The following MTHFD2L variants were observed in gnomAD, a reference collection of about 807,000 sequenced individuals.
The protein encoded by MTHFD2L is bifunctional methylenetetrahydrofolate dehydrogenase/cyclohydrolase 2, mitochondrial.
Under a neutral mutation model 34.9 loss-of-function variants are expected in MTHFD2L, and 29 were observed. The ratio of observed to expected loss-of-function variants is 0.83; its 90% CI spans 0.62 to 1.13. The LOEUF (loss-of-function observed/expected upper bound fraction) is 1.13, where lower values mean the gene tolerates loss of function less well. Among genes scored for constraint, MTHFD2L ranks in the 50% most tolerant of loss-of-function variants. MTHFD2L has a pLI of 0.00. For synonymous variants in MTHFD2L, 167 were observed against 155.7 expected (o/e 1.07, Z -0.54); for missense variants, 481 against 446.5 (o/e 1.08, Z -0.70).
chr4:74,236,033 A>T (rs886600928), intron 6 of MTHFD2L, among the ~76,000 whole-genome samples: 3 of 152,076 alleles, frequency 2.0e-5, no homozygotes, highest in Non-Finnish European at 4.4e-5. Flanking sequence ...TGTAATGTAA[A>T]CTTCTTTAAT....
chr4:74,246,619 A>AT (rs1742497639), intron 6 of MTHFD2L, among the ~76,000 whole-genome samples: 1 of 152,152 alleles, frequency 6.6e-6, no homozygotes, highest in Admixed American at 6.5e-5. Flanking sequence ...TAGGTCTAAC[A>AT]TTTAAGTCTT....
intron 1 of MTHFD2L, among the ~76,000 whole-genome samples, chr4:74,132,065 G>A (rs1468393606): frequency 6.6e-6 from 1 of 152,160 alleles, no homozygotes; most frequent in Non-Finnish European, 1.5e-5. Context: ...AGTTAGAATG[G>A]CAATCATTAA....
intron 6 of MTHFD2L, among the ~76,000 whole-genome samples, chr4:74,233,557 C>T (rs970122933): frequency 1.3e-5 from 2 of 151,554 alleles, no homozygotes; most frequent in East Asian, 3.9e-4. Flanking sequence ...GTGTGGTGAG[C>T]CAATCACTAA....
intron 1 of MTHFD2L, chr4:74,160,147 A>G (rs1043633848): frequency 8.4e-7 from 1 of 1,187,068 alleles, no homozygotes. Flanking sequence ...TTATATATAT[A>G]ATGACACATT....
chr4:74,201,395 C>T (rs1276469440), intron 5 of MTHFD2L, 25 bp downstream of exon 5: 3 of 1,507,494 alleles, frequency 2.0e-6, no homozygotes, highest in Non-Finnish European at 2.8e-6. Flanking sequence ...GCAGATTCTA[C>T]ACTCTCTCGC....
chr4:74,161,835 A>G (rs1253492713), intron 1 of MTHFD2L: 6 of 152,212 alleles, frequency 3.9e-5, no homozygotes, highest in Admixed American at 6.5e-5. Context: ...TGATCTTTTC[A>G]TGGGCACGTA....
intron 6 of MTHFD2L, among the ~76,000 whole-genome samples, chr4:74,280,897 A>G (rs1747370735): frequency 6.6e-6 from 1 of 152,140 alleles, no homozygotes; most frequent in African/African-American, 2.4e-5. Flanking sequence ...ATGAGATGCC[A>G]TTATGAGTAT....
intron 1 of MTHFD2L, chr4:74,143,459 T>A (rs1723401923): frequency 2.0e-6 from 2 of 985,062 alleles, no homozygotes; most frequent in Non-Finnish European, 1.2e-6. Flanking sequence ...TTTGGAAGGG[T>A]CCTAGAGGGT....
intron 3 of MTHFD2L, chr4:74,194,140 T>G (rs915174891): frequency 6.6e-6 from 1 of 152,188 alleles, no homozygotes; most frequent in Admixed American, 6.5e-5. Context: ...TAGATGAGCT[T>G]CTTGGGGTTT....
At chr4:74,203,081 A>C (rs569403428) in intron 5 of MTHFD2L, among the ~76,000 whole-genome samples, 1 of 152,310 alleles carries the variant, frequency 6.6e-6, no homozygotes, top group South Asian at 2.1e-4. Context: ...ATGAATGATG[A>C]CACTTTTGAA....
chr4:74,157,953 TC>T (rs1724467324), upstream of MTHFD2L: 5 of 932,482 alleles, frequency 5.4e-6, no homozygotes, highest in South Asian at 4.2e-5. Flanking sequence ...GACCCGGCAC[TC>T]TGTCAGTTCC....
chr4:74,207,766 C>CTTTTT (rs768932793), intron 5 of MTHFD2L, among the ~76,000 whole-genome samples: 5 of 128,468 alleles, frequency 3.9e-5, no homozygotes, highest in Admixed American at 8.0e-5. Flanking sequence ...TGAAAAAGAA[C>CTTTTT]TTTTTTTTTT....
chr4:74,161,321 C>T (rs574733742), intron 1 of MTHFD2L: 1 of 152,302 alleles, frequency 6.6e-6, no homozygotes, highest in East Asian at 1.9e-4. Context: ...ACTCTTCCCT[C>T]TACTACTTAC....
At chr4:74,148,778 G>C (rs756085277) in intron 1 of MTHFD2L, among the ~76,000 whole-genome samples, 1 of 151,716 alleles carries the variant, frequency 6.6e-6, no homozygotes, top group Admixed American at 6.6e-5. Context: ...AAACATGAAT[G>C]CTCACAGCCA....
At chr4:74,201,177 T>C (rs1734356749) in intron 4 of MTHFD2L, 86 bp from the exon 5 acceptor site, 4 of 908,548 alleles carry the variant, frequency 4.4e-6, no homozygotes, top group Non-Finnish European at 6.7e-6. Context: ...TAGAAATTTT[T>C]AAAAGAATGT....
At chr4:74,296,310 T>C (rs1389018776) in intron 7 of MTHFD2L, among the ~76,000 whole-genome samples, 2 of 152,136 alleles carry the variant, frequency 1.3e-5, no homozygotes, top group Non-Finnish European at 2.9e-5. Context: ...AGAATAACTC[T>C]GGCAGCAAAT....
chr4:74,134,932 A>G (rs187466187), intron 1 of MTHFD2L, among the ~76,000 whole-genome samples: 2 of 152,286 alleles, frequency 1.3e-5, no homozygotes, highest in Non-Finnish European at 2.9e-5. Context: ...AAAGAAAAAA[A>G]GAATGAAAAT....
At chr4:74,229,929 A>G (rs1477725071) in intron 6 of MTHFD2L, among the ~76,000 whole-genome samples, 1 of 152,194 alleles carries the variant, frequency 6.6e-6, no homozygotes, top group Non-Finnish European at 1.5e-5. Flanking sequence ...TCATTAGACT[A>G]CAGCAGGTAA....
chr4:74,153,404 T>G (rs960650438), upstream of MTHFD2L, among the ~76,000 whole-genome samples: 6 of 152,216 alleles, frequency 3.9e-5, no homozygotes, highest in African/African-American at 1.4e-4. Context: ...AAAAATGTAT[T>G]GTACTCTTTA....
Sources: gnomAD v4.1 joint callset for allele counts (sites outside exome capture counted in the v4.1 genomes callset) on GRCh38, gnomAD v4.1.1 for gene constraint, MANE v1.5 for transcripts, NCBI Gene and HGNC (gene_info 2026-07-23, HGNC 2026-07-21) for gene names.